Variants in BRIP1 observed in about 807,000 individuals in gnomAD.
BRIP1 encodes Fanconi anemia group J protein.
BRIP1 carries 88 observed loss-of-function variants against 119.7 expected under a neutral mutation model. That is an observed-to-expected ratio of 0.74 (90% confidence interval 0.62 to 0.88). The LOEUF is 0.88. BRIP1 is among the 40% of genes least tolerant of loss of function. The probability of loss-of-function intolerance (pLI) is 0.00; values close to 1 mark genes in which losing one functional copy is unlikely to be tolerated. For synonymous variants in BRIP1, 443 were observed against 496.5 expected, an observed-to-expected ratio of 0.89 and a Z score of 1.43; for missense variants, 1,259 against 1,455.4, an observed-to-expected ratio of 0.87 and a Z score of 2.20.
intron 14 of BRIP1, among the ~76,000 whole-genome samples, chr17:61,765,400 TATATATATATATATATATATATA>T (rs1433193112): frequency 9.7e-4 from 14 of 14,412 alleles, no homozygotes; most frequent in African/African-American, 1.4e-3. Flanking sequence ...TATATATATA[TATATATATATATATATATATATA>T]TTTTTTTTTT....
rs730881622 is a variant in BRIP1 at position 61,716,053 on chromosome 17, T to C, written c.2390A>G (p.Lys797Arg). The change falls in exon 17 of 20, where the codon AAA (lysine) becomes AGA (arginine). Residue 797 changes from lysine to arginine, a missense_variant. Lys to Arg is a conservative substitution (Grantham distance 26). Around this residue, in one of 3 missense-constraint regions of BRIP1, gnomAD observed 753 missense variants for 891.8 expected, o/e 0.84. Transcript: ENST00000259008. ...PNVKDLQVEL[K>R]RQYNDHHSKL... ...TGAATGGTGGTCATTGTATTGTCGT[T>C]TTAGTTCAACCTAATAATTTTAAAA... 26 of 1,590,532 alleles carry C rather than the reference T, an allele frequency of 1.6e-5. No homozygotes were observed. Among genetic ancestry groups the C allele is most frequent in the Non-Finnish European group, 2.1e-5 (25 of 1,165,574 alleles).
chr17:61,821,711 G>C (rs1462457562), intron 6 of BRIP1, among the ~76,000 whole-genome samples: 1 of 151,420 alleles, frequency 6.6e-6, no homozygotes. Context: ...TGCATTTTTT[G>C]TCTTTTTAAA....
intron 14 of BRIP1, among the ~76,000 whole-genome samples, chr17:61,749,049 A>G (rs2077097925): frequency 6.6e-6 from 1 of 151,994 alleles, no homozygotes; most frequent in African/African-American, 2.4e-5. Context: ...AGGCAAGAGA[A>G]TCGCTTGAAC....
intron 10 of BRIP1, among the ~76,000 whole-genome samples, chr17:61,785,446 C>T (rs1391612667): frequency 1.3e-5 from 2 of 151,760 alleles, no homozygotes; most frequent in Non-Finnish European, 2.9e-5. Flanking sequence ...TGATGTCTGA[C>T]AATAAAATGT....
In BRIP1 at chr17:61,806,687, G is replaced by A. The variant is rs1205435951; in HGVS notation, c.918+1780C>T. Among the ~76,000 whole-genome samples the A allele has an allele frequency of 1.3e-5, 1 of 77,462 alleles. No homozygotes were observed. Among genetic ancestry groups the A allele is most frequent in the African/African-American group, 6.8e-5 (1 of 14,640 alleles). The allele number at this position is 77,462 out of a possible 152,430, so 50.8% of individuals were successfully genotyped here. On this transcript the variant is annotated intron_variant, in intron 7 of 19. Coordinates refer to ENST00000259008, the MANE Select transcript of BRIP1 (RefSeq NM_032043.3). This position sits in a 1 kb window ranked among gnomAD's most constrained non-coding sequence, Gnocchi z 4.9. ...GCTTTTACCAATGTATTTTACCAAT[G>A]TATGTTTTTGGTTGGTTGGTTGTTT...
Position 61,752,149 on chromosome 17 carries a change from T to G in BRIP1, c.2098-7558A>C, listed in dbSNP as rs1320472574. ...CTCAGATCTCCATTTTATTATTATT[T>G]AAAATGTACATATTAGTTTTGTAGA... On this transcript the variant is annotated intron_variant, in intron 14 of 19. Coordinates refer to ENST00000259008, the MANE Select transcript of BRIP1 (RefSeq NM_032043.3). This position sits in a 1 kb window ranked among gnomAD's most constrained non-coding sequence, Gnocchi z 6.2. Among the ~76,000 whole-genome samples, 1 of 152,174 alleles carries G rather than the reference T, an allele frequency of 6.6e-6. No individual in the cohort carries two copies. Among genetic ancestry groups the G allele is most frequent in the East Asian group, 1.9e-4 (1 of 5,202 alleles).
At position 61,689,113 on chromosome 17, in the gene BRIP1, G is replaced by A. The variant is rs548638937; in HGVS notation, c.2576-2948C>T. Among the ~76,000 whole-genome samples, 14 of 150,172 alleles carry A rather than the reference G, an allele frequency of 9.3e-5. No individual in the cohort carries two copies. The highest frequency in any genetic ancestry group is 3.5e-4 in the African/African-American group (14 of 40,534). On this transcript the variant is annotated intron_variant, in intron 18 of 19. Coordinates refer to ENST00000259008, the MANE Select transcript of BRIP1 (RefSeq NM_032043.3). This position sits in a 1 kb window ranked among gnomAD's most constrained non-coding sequence, Gnocchi z 4.5. ...GGCTGGAGTGCAGTGGCGCCATCTC[G>A]GCTCACTGAAACCTCCGCCTCCCTG...
At chr17:61,786,925 ATT>A (rs2077723266) in intron 10 of BRIP1, among the ~76,000 whole-genome samples, 1 of 40,620 alleles carries the variant, frequency 2.5e-5, no homozygotes, top group Non-Finnish European at 4.1e-5. Context: ...AAAAATATAT[ATT>A]TATATATAAT....
In BRIP1 at chr17:61,777,480, C is replaced by T. The variant is rs145266246; in HGVS notation, c.1936-918G>A. ...GTTGAGGGCTCAGTCCCCAAGACTG[C>T]CCCTGATTTCTGTGGCCAGTCACAG... On this transcript the variant is annotated intron_variant, in intron 13 of 19. Transcript: ENST00000259008. Among the ~76,000 whole-genome samples the T allele has an allele frequency of 1.2e-3, 182 of 152,180 alleles. 1 individual carries two copies. Among genetic ancestry groups the T allele is most frequent in the Admixed American group, 6.4e-3 (98 of 15,278 alleles).
At chr17:61,839,384 C>T (rs1284874193) in intron 6 of BRIP1, among the ~76,000 whole-genome samples, 1 of 151,510 alleles carries the variant, frequency 6.6e-6, no homozygotes, top group Non-Finnish European at 1.5e-5. Context: ...ATCATTTTAC[C>T]TATGTATTTT....
intron 3 of BRIP1, among the ~76,000 whole-genome samples, chr17:61,858,362 T>C (rs7219969): frequency 0.27 from 41,082 of 149,640 alleles, 7,131 homozygotes; most frequent in Non-Finnish European, 0.39. Context: ...CAAAAGCTTA[T>C]GAAGTATTTA....
At chr17:61,749,787 T>G (rs1024572304) in intron 14 of BRIP1, among the ~76,000 whole-genome samples, 4 of 152,232 alleles carry the variant, frequency 2.6e-5, no homozygotes, top group Non-Finnish European at 4.4e-5. Flanking sequence ...AAGTGTTCTA[T>G]TTGTTTTGAT....
In BRIP1 at chr17:61,842,364, T is replaced by G. The variant is rs537536864; in HGVS notation, c.627+4737A>C. The stretch of plus-strand genomic sequence containing the variant: ...TTGGAGAAACAGGAGGAATAAGTTC[T>G]GGTATTCTATAGCACTCTAGGGTAA... On this transcript the variant is annotated intron_variant, in intron 6 of 19. Coordinates refer to ENST00000259008, the MANE Select transcript of BRIP1 (RefSeq NM_032043.3). The surrounding 1 kb of genome is among the most constrained non-coding windows in gnomAD (Gnocchi z 5.1). Among the ~76,000 whole-genome samples, 3 of 152,306 alleles carry G rather than the reference T, an allele frequency of 2.0e-5. No individual in the cohort carries two copies. Among genetic ancestry groups the G allele is most frequent in the African/African-American group, 7.2e-5 (3 of 41,568 alleles).
At position 61,736,001 on chromosome 17, in the gene BRIP1, C is replaced by A. The variant is rs1362655038; in HGVS notation, c.2379+7012G>T. Among the ~76,000 whole-genome samples the A allele has an allele frequency of 6.6e-6, 1 of 151,840 alleles. No homozygotes were observed. The highest frequency in any genetic ancestry group is 1.5e-5 in the Non-Finnish European group (1 of 67,984). On this transcript the variant is annotated intron_variant, in intron 16 of 19. Coordinates refer to ENST00000259008, the MANE Select transcript of BRIP1 (RefSeq NM_032043.3). The surrounding 1 kb of genome is among the most constrained non-coding windows in gnomAD (Gnocchi z 4.4). ...CTGAGATAATAAATGTGTGTTAAGC[C>A]ACTATGTGATAATTTGTTACACAGC...
chr17:61,707,696 A>T (rs1210677475), intron 17 of BRIP1, among the ~76,000 whole-genome samples: 4 of 151,964 alleles, frequency 2.6e-5, no homozygotes, highest in African/African-American at 9.7e-5. Context: ...TTCTTGTTTC[A>T]TGGAGGCAAT....
At position 61,804,942 on chromosome 17, in the gene BRIP1, GTCTC is replaced by G. The variant is rs1389515821; in HGVS notation, c.919-3472_919-3469del. On this transcript the variant is annotated intron_variant, in intron 7 of 19. Transcript: ENST00000259008. The surrounding 1 kb of genome is among the most constrained non-coding windows in gnomAD (Gnocchi z 4.5). ...TTGAGAAGCCAAGGCAGGATGAAAT[GTCTC>G]TCTCTTTCTGTGTGTGTGTGTGTGT... Among the ~76,000 whole-genome samples the G allele has an allele frequency of 8.9e-5, 12 of 135,164 alleles. No individual in the cohort carries two copies. The highest frequency in any genetic ancestry group is 1.9e-4 in the Non-Finnish European group (12 of 64,170). 88.7% of individuals were successfully genotyped at this position (135,164 alleles called of 152,430 possible). A position where few individuals can be genotyped will look rare whatever the true frequency, so the allele number is the denominator to read the frequency against.
chr17:61,773,188 G>A (rs566074433), intron 14 of BRIP1, among the ~76,000 whole-genome samples: 1 of 151,892 alleles, frequency 6.6e-6, no homozygotes, highest in South Asian at 2.1e-4. Context: ...ACCAAGACAA[G>A]CAGACAATAA....
chr17:61,754,550 C>G lies in BRIP1; in HGVS notation c.2098-9959G>C, dbSNP rs2077174488. ...AGCACTTATCACCATCTGTATTAGT[C>G]CCCTCAGGCTACCACACAAAAATAT... On this transcript the variant is annotated intron_variant, in intron 14 of 19. Transcript: ENST00000259008. This position sits in a 1 kb window ranked among gnomAD's most constrained non-coding sequence, Gnocchi z 4.1. Among the ~76,000 whole-genome samples the G allele has an allele frequency of 6.6e-6, 1 of 152,100 alleles. No homozygotes were observed. The highest frequency in any genetic ancestry group is 2.4e-5 in the African/African-American group (1 of 41,408).
chr17:61,705,318 C>A lies in BRIP1; in HGVS notation c.2492+10633G>T, dbSNP rs1376966075. 2.0e-5 allele frequency among the ~76,000 whole-genome samples: 3 copies of A among 152,128 alleles called. No homozygotes were observed. The highest frequency in any genetic ancestry group is 4.4e-5 in the Non-Finnish European group (3 of 68,010). On this transcript the variant is annotated intron_variant, in intron 17 of 19. Transcript: ENST00000259008. The surrounding 1 kb of genome is among the most constrained non-coding windows in gnomAD (Gnocchi z 5.0). ...AGTATTCCACGGTGTATATGTACCA[C>A]ATTTTCTTTATCTAGTCCACCGTTG...
Sources: gnomAD v4.1 joint callset for allele counts (sites outside exome capture counted in the v4.1 genomes callset) on GRCh38, gnomAD v4.1.1 for gene constraint, gnomAD v4.1.1 regional missense constraint, Gnocchi (gnomAD v3.1) non-coding constraint, MANE v1.5 for transcripts, NCBI Gene and HGNC (gene_info 2026-07-23, HGNC 2026-07-21) for gene names.